Variants in RIN2 observed in about 807,000 individuals in gnomAD.
The protein encoded by RIN2 is RAB5 interacting protein 2.
A neutral mutation model predicts 78.0 loss-of-function variants in RIN2; 36 were observed. The ratio of observed to expected loss-of-function variants is 0.46; its 90% CI spans 0.35 to 0.61. RIN2 has a LOEUF of 0.61. RIN2 is among the 20% of genes least tolerant of loss of function. The pLI is 0.00. For missense variants in RIN2, 1,087 were observed against 1,159.7 expected (o/e 0.94, Z 0.91); for synonymous variants, 466 against 466.8 (o/e 1.00, Z 0.02).
intron 4 of RIN2, among the ~76,000 whole-genome samples, chr20:19,942,259 T>C (rs1301702824): frequency 2.0e-5 from 3 of 152,062 alleles, no homozygotes; most frequent in Non-Finnish European, 2.9e-5. Flanking sequence ...CATAATAGAA[T>C]ACGTCAGATG....
intron 3 of RIN2, among the ~76,000 whole-genome samples, chr20:19,909,152 C>G (rs1342488837): frequency 1.3e-5 from 2 of 152,190 alleles, no homozygotes; most frequent in Non-Finnish European, 2.9e-5. Context: ...GTGTGAGCCA[C>G]CGCGCCCAGT....
rs746455570 is a variant in RIN2, at chr20:19,975,583, G to A, written c.1558G>A (p.Glu520Lys). 2.5e-6 allele frequency: 4 copies of A among 1,613,964 alleles called. No homozygotes were observed. Among genetic ancestry groups the A allele is most frequent in the Non-Finnish European group, 3.4e-6 (4 of 1,179,892 alleles). ...GAAGCGGATGGTCCGCAGGATCGCC[G>A]AGCTTTCCCGGGACAAATGCACCTA... ...PEKRMVRRIA[E>K]LSRDKCTYFG... Residue 520 changes from glutamate (E) to lysine (K), a missense_variant, in exon 9 of 13, where the codon GAG (glutamate) becomes AAG (lysine). Physicochemically the swap from Glu to Lys is moderately conservative, Grantham distance 56. Transcript: ENST00000255006. The surrounding 1 kb of genome is among the most constrained non-coding windows in gnomAD (Gnocchi z 4.9).
chr20:19,773,335 T>G (rs1387011849), intron 1 of RIN2, among the ~76,000 whole-genome samples: 4 of 152,190 alleles, frequency 2.6e-5, no homozygotes, highest in Admixed American at 2.6e-4. Context: ...ACATATCTCT[T>G]TGTGGGGACA....
chr20:19,946,892 G>A (rs1449623953), intron 4 of RIN2, among the ~76,000 whole-genome samples: 3 of 151,572 alleles, frequency 2.0e-5, no homozygotes, highest in Admixed American at 6.6e-5. Flanking sequence ...TTAGCTGGAC[G>A]TGGTGGCGCA....
intron 4 of RIN2, 70 bp from the exon 5 acceptor site, chr20:19,956,545 G>A (rs1413757749): frequency 3.4e-6 from 5 of 1,465,358 alleles, no homozygotes; most frequent in East Asian, 2.4e-5. Flanking sequence ...CTATGAACTT[G>A]TAGGGACGGT....
chr20:19,879,674 G>A (rs1234556665), intron 2 of RIN2, among the ~76,000 whole-genome samples: 1 of 152,198 alleles, frequency 6.6e-6, no homozygotes, highest in Non-Finnish European at 1.5e-5. Flanking sequence ...TTTAGCACGT[G>A]TTTCCGTGGA....
chr20:19,985,865 A>G (rs1161720763), intron 9 of RIN2, among the ~76,000 whole-genome samples: 1 of 152,232 alleles, frequency 6.6e-6, no homozygotes, highest in African/African-American at 2.4e-5. Context: ...TATGAGTTCC[A>G]GTCCTGGCTC....
chr20:19,980,164 G>A (rs1474717447), intron 9 of RIN2, among the ~76,000 whole-genome samples: 4 of 151,494 alleles, frequency 2.6e-5, no homozygotes, highest in Admixed American at 6.6e-5. Flanking sequence ...TGACCCTATC[G>A]CCTGAAGGAA....
chr20:19,971,544 G>A (rs2042107864), intron 8 of RIN2, among the ~76,000 whole-genome samples: 1 of 152,030 alleles, frequency 6.6e-6, no homozygotes, highest in Non-Finnish European at 1.5e-5. Context: ...ATCAAAAGAG[G>A]AAATTCTCTT....
chr20:19,913,652 C>T (rs1056187152), intron 3 of RIN2, among the ~76,000 whole-genome samples: 8 of 152,146 alleles, frequency 5.3e-5, no homozygotes, highest in African/African-American at 1.7e-4. Context: ...TGACTCCTCT[C>T]GGTACTTCCT....
At chr20:19,822,074 A>G (rs2035943053) in intron 2 of RIN2, among the ~76,000 whole-genome samples, 2 of 152,164 alleles carry the variant, frequency 1.3e-5, no homozygotes, top group Admixed American at 1.3e-4. Flanking sequence ...TGTCTCCAGA[A>G]TCTTCAGACC....
chr20:19,864,992 T>C lies in RIN2; in HGVS notation c.-36-24574T>C, dbSNP rs190605558. 1.5e-3 allele frequency among the ~76,000 whole-genome samples: 228 copies of C among 152,326 alleles called. 3 individuals are homozygous for C. The highest frequency in any genetic ancestry group is 5.4e-3 in the African/African-American group (225 of 41,562). ...ATTTCTTCATTTTCTCTTTTAAGTA[T>C]CTGAAAGACTACCTGAAAAACCTGA... On this transcript the variant is annotated intron_variant, in intron 2 of 12. Transcript: ENST00000255006.
chr20:19,918,636 C>T (rs564047631), intron 3 of RIN2, among the ~76,000 whole-genome samples: 2 of 152,238 alleles, frequency 1.3e-5, no homozygotes, highest in South Asian at 4.1e-4. Context: ...CCAATACAAA[C>T]CTGGCTAAAG....
intron 2 of RIN2, among the ~76,000 whole-genome samples, chr20:19,816,260 C>T (rs989320458): frequency 6.6e-6 from 1 of 152,176 alleles, no homozygotes; most frequent in Non-Finnish European, 1.5e-5. Context: ...CAATTATTCT[C>T]CATAAGTTTC....
chr20:19,969,862 C>G (rs914934577), intron 7 of RIN2, among the ~76,000 whole-genome samples: 1 of 152,242 alleles, frequency 6.6e-6, no homozygotes, highest in African/African-American at 2.4e-5. Flanking sequence ...CTGTCTGTGT[C>G]AGGACAGTGT....
At chr20:19,890,102 G>A (rs369544641) in intron 3 of RIN2, among the ~76,000 whole-genome samples, 8 of 152,112 alleles carry the variant, frequency 5.3e-5, no homozygotes, top group East Asian at 3.9e-4. Flanking sequence ...TTCCTGGACC[G>A]CACCTTAGAA....
intron 2 of RIN2, among the ~76,000 whole-genome samples, chr20:19,876,909 A>AC (rs1432639202): frequency 3.3e-5 from 5 of 151,502 alleles, no homozygotes; most frequent in African/African-American, 1.2e-4. Flanking sequence ...CTCAAAAAAA[A>AC]AAAACAAAAA....
At chr20:19,798,856 A>G (rs1312907329) in intron 1 of RIN2, among the ~76,000 whole-genome samples, 5 of 152,206 alleles carry the variant, frequency 3.3e-5, no homozygotes, top group Non-Finnish European at 7.3e-5. Flanking sequence ...TGAAAAGGCT[A>G]GGATACTGAT....
intron 2 of RIN2, among the ~76,000 whole-genome samples, chr20:19,855,342 C>A (rs2037129751): frequency 6.6e-6 from 1 of 152,040 alleles, no homozygotes; most frequent in Admixed American, 6.6e-5. Context: ...CTAAAATTCA[C>A]TTTTTTTGTT....
Sources: gnomAD v4.1 joint callset for allele counts (sites outside exome capture counted in the v4.1 genomes callset) on GRCh38, gnomAD v4.1.1 for gene constraint, Gnocchi (gnomAD v3.1) non-coding constraint, MANE v1.5 for transcripts, NCBI Gene and HGNC (gene_info 2026-07-23, HGNC 2026-07-21) for gene names.